The following CD200R1L variants were observed in gnomAD, a reference collection of about 807,000 sequenced individuals.
CD200R1L encodes the protein cell surface glycoprotein CD200 receptor 2.
A neutral mutation model predicts 24.8 loss-of-function variants in CD200R1L; 14 were observed. That is an observed-to-expected ratio of 0.56 (90% CI 0.37 to 0.88). The LOEUF (loss-of-function observed/expected upper bound fraction) is 0.88. Ranked by LOEUF, CD200R1L falls within the 40% of genes least tolerant of loss-of-function variation. The pLI is 0.00. For missense variants in CD200R1L, 299 were observed against 297.8 expected (o/e 1.00, Z -0.03); for synonymous variants, 111 against 109.2 (o/e 1.02, Z -0.11).
At chr3:112,837,805 C>T (rs1938987366) in intron 3 of CD200R1L, 137 bp downstream of exon 3, 1 of 178,156 alleles carries the variant, frequency 5.6e-6, no homozygotes, top group Admixed American at 6.5e-5. Context: ...ATAAGTCGGT[C>T]CTTGCTTGGT....
intron 3 of CD200R1L, among the ~76,000 whole-genome samples, chr3:112,837,058 GT>G (rs1450422567): frequency 6.6e-6 from 1 of 152,060 alleles, no homozygotes; most frequent in East Asian, 1.9e-4. Context: ...TTCTTCTATG[GT>G]TCTCTATCTA....
At chr3:112,824,349 G>C (rs1938609343) in intron 6 of CD200R1L, among the ~76,000 whole-genome samples, 1 of 152,184 alleles carries the variant, frequency 6.6e-6, no homozygotes, top group South Asian at 2.1e-4. Context: ...AAGGAGTAGA[G>C]CAGAATGGTT....
chr3:112,836,698 AG>A (rs1161555941), intron 3 of CD200R1L, among the ~76,000 whole-genome samples: 1 of 152,236 alleles, frequency 6.6e-6, no homozygotes, highest in Non-Finnish European at 1.5e-5. Flanking sequence ...AATTAGGTAA[AG>A]TATATTAGTA....
At chr3:112,834,234 C>CT (rs5851866) in intron 3 of CD200R1L, among the ~76,000 whole-genome samples, 14 of 93,278 alleles carry the variant, frequency 1.5e-4, no homozygotes, top group African/African-American at 2.9e-4. Context: ...CACCATCATT[C>CT]TTTTTTTTTT....
chr3:112,833,672 A>T (rs1938865811), intron 3 of CD200R1L, among the ~76,000 whole-genome samples: 1 of 152,182 alleles, frequency 6.6e-6, no homozygotes, highest in Non-Finnish European at 1.5e-5. Context: ...TAGTGAACAA[A>T]TGGTCCAGGC....
chr3:112,830,958 G>C (rs1938783403), intron 3 of CD200R1L, among the ~76,000 whole-genome samples: 1 of 152,070 alleles, frequency 6.6e-6, no homozygotes, highest in African/African-American at 2.4e-5. Flanking sequence ...AATTGGACCA[G>C]CTCATGTGAG....
intron 2 of CD200R1L, among the ~76,000 whole-genome samples, chr3:112,844,128 G>A (rs891170191): frequency 2.0e-5 from 3 of 152,206 alleles, no homozygotes; most frequent in African/African-American, 7.2e-5. Context: ...CACAGACAGT[G>A]TTAGATCATC....
At position 112,815,770 on chromosome 3, in the gene CD200R1L, G is replaced by A. The variant is rs1938367941; in HGVS notation, c.*193C>T. The A allele has an allele frequency of 1.8e-6, 1 of 561,160 alleles. No homozygotes were observed. The highest frequency in any genetic ancestry group is 2.7e-5 in the South Asian group (1 of 37,208). 34.8% of individuals were successfully genotyped at this position (561,160 alleles called of 1,614,324 possible). On this transcript the variant is annotated 3_prime_UTR_variant, in exon 8 of 8. Transcript: ENST00000488794. ...AAGAAGTCAATGAATAGGTGGTTGAGGGTTTATAGGGAAACTTCATGGTCA... is the reference window on the plus strand; with the variant it reads ...AAGAAGTCAATGAATAGGTGGTTGAAGGTTTATAGGGAAACTTCATGGTCA...
chr3:112,823,061 CTG>C (rs1163568774), intron 6 of CD200R1L, among the ~76,000 whole-genome samples: 1 of 152,162 alleles, frequency 6.6e-6, no homozygotes, highest in African/African-American at 2.4e-5. Flanking sequence ...AGAAAACAAA[CTG>C]TAACTTTAAT....
Position 112,845,864 on chromosome 3 carries a change from T to G in CD200R1L, c.-272A>C, listed in dbSNP as rs1559927977. The G allele has an allele frequency of 6.2e-6, 4 of 645,106 alleles. No individual in the cohort carries two copies. Among genetic ancestry groups the G allele is most frequent in the African/African-American group, 1.8e-5 (1 of 54,348 alleles). 40.0% of individuals were successfully genotyped at this position (645,106 alleles called of 1,614,324 possible). A position where few individuals can be genotyped will look rare whatever the true frequency, so the allele number is the denominator to read the frequency against. ...CAACAGGATTGCAAAACATATTTCTTCATTATCTTGCTTATCTTTAATTTT... is the reference window on the plus strand; with the variant it reads ...CAACAGGATTGCAAAACATATTTCTGCATTATCTTGCTTATCTTTAATTTT... On this transcript the variant is annotated 5_prime_UTR_variant, in exon 2 of 8. Transcript: ENST00000488794.
chr3:112,845,719 T>C lies in CD200R1L; in HGVS notation c.-127A>G, dbSNP rs1386518289. ...TGATGGAAATCAGTAATCTTGGAGCTGACATCTTCCCTAAAGTATGCTTTT... is the reference window on the plus strand; with the variant it reads ...TGATGGAAATCAGTAATCTTGGAGCCGACATCTTCCCTAAAGTATGCTTTT... On this transcript the variant is annotated 5_prime_UTR_variant, in exon 2 of 8. Transcript: ENST00000488794. 6.2e-7 allele frequency: 1 copy of C among 1,613,096 alleles called. No homozygotes were observed. Among genetic ancestry groups the C allele is most frequent in the African/African-American group, 1.3e-5 (1 of 74,916 alleles).
chr3:112,817,697 T>C (rs1472306301), intron 7 of CD200R1L, among the ~76,000 whole-genome samples: 1 of 152,234 alleles, frequency 6.6e-6, no homozygotes, highest in East Asian at 1.9e-4. Context: ...GTAGGGCCTG[T>C]TTGTTTCAGC....
chr3:112,820,225 T>C (rs1938502280), intron 6 of CD200R1L, among the ~76,000 whole-genome samples: 1 of 152,192 alleles, frequency 6.6e-6, no homozygotes. Flanking sequence ...CCCATGCAAA[T>C]ATTAGCGTTT....
chr3:112,831,502 C>T (rs1938797569), intron 3 of CD200R1L, among the ~76,000 whole-genome samples: 1 of 152,120 alleles, frequency 6.6e-6, no homozygotes, highest in East Asian at 1.9e-4. Flanking sequence ...ATGTTGAAGT[C>T]CTAACCCTCA....
chr3:112,840,271 C>T (rs1252761398), intron 2 of CD200R1L, among the ~76,000 whole-genome samples: 1 of 152,254 alleles, frequency 6.6e-6, no homozygotes, highest in African/African-American at 2.4e-5. Context: ...TTAGTTGGCT[C>T]ATGGTTCTTC....
rs1997281 is a variant in CD200R1L at position 112,827,626 on chromosome 3, G to A, written c.108C>T (p.Ile36=). ...TTATTATGATCAAATTTCTTAATGC[G>A]ATAGGAGGGCAACAAAGCACAGCAT... ...DINAVLCCPP[I]ALRNLIIITW... The change falls in exon 5 of 8, where the codon ATC becomes ATT. Residue 36 remains isoleucine (I), a synonymous_variant. Transcript: ENST00000488794. 0.37 allele frequency: 602,540 copies of A among 1,613,536 alleles called. 116,302 individuals carry two copies. The highest frequency in any genetic ancestry group is 0.42 in the East Asian group (18,638 of 44,860).
chr3:112,832,083 T>C (rs1051341819), intron 3 of CD200R1L, among the ~76,000 whole-genome samples: 3 of 152,216 alleles, frequency 2.0e-5, no homozygotes, highest in African/African-American at 7.2e-5. Flanking sequence ...CTTTGAGAAC[T>C]GTTGCAATAG....
intron 7 of CD200R1L, among the ~76,000 whole-genome samples, chr3:112,816,396 G>T (rs1346316378): frequency 6.6e-6 from 1 of 152,168 alleles, no homozygotes; most frequent in African/African-American, 2.4e-5. Context: ...GTAACGAGTA[G>T]AACAGAACTT....
intron 7 of CD200R1L, 142 bp downstream of exon 7, chr3:112,819,630 C>A: frequency 1.3e-6 from 1 of 765,470 alleles, no homozygotes. Context: ...ATGATGCCTT[C>A]ACATTAAAGA....
Sources: gnomAD v4.1 joint callset for allele counts (sites outside exome capture counted in the v4.1 genomes callset) on GRCh38, gnomAD v4.1.1 for gene constraint, MANE v1.5 for transcripts, NCBI Gene and HGNC (gene_info 2026-07-23, HGNC 2026-07-21) for gene names.